Variants in GCNT4 observed in about 807,000 individuals in gnomAD.
GCNT4 encodes glucosaminyl (N-acetyl) transferase 4, also known as beta-1,3-galactosyl-O-glycosyl-glycoprotein beta-1,6-N-acetylglucosaminyltransferase 4.
A neutral mutation model predicts 31.3 loss-of-function variants in GCNT4; 17 were observed. That is an observed-to-expected ratio of 0.54 (90% CI 0.37 to 0.81). GCNT4 has a LOEUF of 0.81. Ranked by LOEUF, GCNT4 falls within the 40% of genes least tolerant of loss-of-function variation. GCNT4 has a pLI of 0.00. For missense variants in GCNT4, 503 were observed against 525.5 expected, an observed-to-expected ratio of 0.96 and a Z score of 0.42; for synonymous variants, 158 against 190.6, an observed-to-expected ratio of 0.83 and a Z score of 1.41.
chr5:75,030,110 TG>T, intron 3 of GCNT4, 72 bp from the exon 4 acceptor site: 2 of 1,429,210 alleles, frequency 1.4e-6, no homozygotes, highest in Non-Finnish European at 1.9e-6. Flanking sequence ...CAAAATCTAC[TG>T]GGCGCCTACC....
upstream of GCNT4, among the ~76,000 whole-genome samples, chr5:75,054,019 C>A (rs1240644256): frequency 6.6e-6 from 1 of 151,988 alleles, no homozygotes; most frequent in Non-Finnish European, 1.5e-5. Flanking sequence ...AATCGCCCAA[C>A]CAGACAGAAG....
chr5:75,019,372 G>C, the GCNT4 span, among the ~76,000 whole-genome samples: 1 of 152,190 alleles, frequency 6.6e-6, no homozygotes, highest in African/African-American at 2.4e-5. Context: ...TCTAGCCTGT[G>C]GTGCATTTGT....
the GCNT4 span, among the ~76,000 whole-genome samples, chr5:75,019,426 T>C: frequency 6.6e-6 from 1 of 152,166 alleles, no homozygotes; most frequent in African/African-American, 2.4e-5. Context: ...AATAAAATAT[T>C]AATAGGCATT....
At chr5:75,053,355 C>T (rs555294039), upstream of GCNT4, among the ~76,000 whole-genome samples, 3 of 152,104 alleles carry the variant, frequency 2.0e-5, no homozygotes, top group East Asian at 1.9e-4. Context: ...CCCCGCCTGC[C>T]GCCTGGAGAT....
chr5:75,023,179 C>G (rs562332214), downstream of GCNT4, among the ~76,000 whole-genome samples: 11 of 152,284 alleles, frequency 7.2e-5, no homozygotes, highest in East Asian at 2.1e-3. Flanking sequence ...TGAAATAGCT[C>G]TTTACTACCC....
chr5:75,036,873 T>A (rs1743211725), intron 3 of GCNT4, among the ~76,000 whole-genome samples: 1 of 152,260 alleles, frequency 6.6e-6, no homozygotes, highest in Non-Finnish European at 1.5e-5. Context: ...TTTGTTCTTA[T>A]AGTTATCTGT....
chr5:75,053,707 G>A (rs191983896), upstream of GCNT4, among the ~76,000 whole-genome samples: 1 of 151,970 alleles, frequency 6.6e-6, no homozygotes, highest in Non-Finnish European at 1.5e-5. Flanking sequence ...CCCCCGTGAC[G>A]TGCGGAGAAA....
chr5:75,040,328 T>C (rs1256799984), intron 3 of GCNT4, among the ~76,000 whole-genome samples: 1 of 152,172 alleles, frequency 6.6e-6, no homozygotes, highest in Non-Finnish European at 1.5e-5. Context: ...TTCTGAGCAC[T>C]TGCTACAAGG....
At position 75,037,900 on chromosome 5, in the gene GCNT4, C is replaced by A. The variant is rs970107452; in HGVS notation, c.-1-7862G>T. ...AAAAAAACAAAAACAAAACAAAAAACAAAAAAAACAAAAAACAGAAAAACA... is the reference window on the plus strand; with the variant it reads ...AAAAAAACAAAAACAAAACAAAAAAAAAAAAAAACAAAAAACAGAAAAACA... On this transcript the variant is annotated intron_variant, in intron 3 of 3. Transcript: ENST00000652361. 3.0e-3 allele frequency among the ~76,000 whole-genome samples: 375 copies of A among 125,452 alleles called. 2 individuals carry two copies. The highest frequency in any genetic ancestry group is 4.9e-3 in the Non-Finnish European group (281 of 57,382). 82.3% of individuals were successfully genotyped at this position (125,452 alleles called of 152,430 possible).
chr5:75,029,931 C>A lies in GCNT4; in HGVS notation c.107G>T (p.Arg36Leu). 3.1e-6 allele frequency: 5 copies of A among 1,614,068 alleles called. No homozygotes were observed. The highest frequency in any genetic ancestry group is 4.2e-6 in the Non-Finnish European group (5 of 1,180,010). ...GTAAATGTCTTTTTGCGGAAAGAGT[C>A]GTCTCACATTTAGAAGCTTTAACAA... ...LSLLKLLNVR[R>L]LFPQKDIYLV... The change falls in exon 4 of 4, where the codon CGA (arginine) becomes CTA (leucine). Residue 36 changes from arginine to leucine, a missense_variant. Physicochemically the swap from Arg to Leu is moderately radical, Grantham distance 102 (BLOSUM62 -2). Transcript: ENST00000652361.
Position 75,028,700 on chromosome 5 carries a change from A to T in GCNT4, c.1338T>A (p.Asp446Glu). The change falls in exon 4 of 4, where the codon GAT becomes GAA. Residue 446 changes from aspartate (D) to glutamate (E), a missense_variant. Asp to Glu is a conservative substitution (Grantham distance 45). Coordinates refer to ENST00000652361, the MANE Select transcript of GCNT4 (RefSeq NM_001366737.1). ...ATCATGATGTGGTAGTGAGATTTCT[A>T]TCCATAAATAACTTTTCTGAGGGCA... ...ITLPSEKLFM[D>E]RNLTTTS The T allele has an allele frequency of 6.2e-7, 1 of 1,612,456 alleles. No homozygotes were observed. Among genetic ancestry groups the T allele is most frequent in the Non-Finnish European group, 8.5e-7 (1 of 1,179,470 alleles).
Position 75,029,159 on chromosome 5 carries a change from G to A in GCNT4, c.879C>T (p.Pro293=). 2 of 1,613,854 alleles carry A rather than the reference G, an allele frequency of 1.2e-6. No individual in the cohort carries two copies. The highest frequency in any genetic ancestry group is 1.1e-5 in the South Asian group (1 of 91,078). ...IRTNISKEAP[P]HNIQIFVGSA... is the part of the protein sequence containing the mutation. ...TGCCAACAAATATCTGAATGTTATG[G>A]GGGGGTGCTTCCTTGGAGATGTTTG... The change falls in exon 4 of 4, where the codon CCC becomes CCT. Residue 293 remains proline, a synonymous_variant. Transcript: ENST00000652361.
intron 3 of GCNT4, among the ~76,000 whole-genome samples, chr5:75,035,437 G>A (rs1010237816): frequency 6.6e-6 from 1 of 152,198 alleles, no homozygotes; most frequent in Admixed American, 6.5e-5. Context: ...TGGGGCACTG[G>A]GGAGAGAGGA....
chr5:75,050,583 T>C (rs1172300808), intron 2 of GCNT4, among the ~76,000 whole-genome samples: 1 of 152,054 alleles, frequency 6.6e-6, no homozygotes, highest in Non-Finnish European at 1.5e-5. Context: ...ATGTGGCCAC[T>C]AGGGAAGCCA....
chr5:75,053,614 G>A (rs1247834212), upstream of GCNT4, among the ~76,000 whole-genome samples: 1 of 151,972 alleles, frequency 6.6e-6, no homozygotes, highest in Non-Finnish European at 1.5e-5. Flanking sequence ...GGCTCTCCGC[G>A]GCGGCTCGCT....
rs760979418 is a variant in GCNT4, at chr5:75,029,406, G to A, written c.632C>T (p.Ser211Leu). The A allele has an allele frequency of 1.5e-5, 24 of 1,613,972 alleles. No homozygotes were observed. In the East Asian group the frequency reaches 1.6e-4, roughly 10 times the overall value. Residue 211 changes from serine to leucine, a missense_variant, in exon 4 of 4, where the codon TCG (serine) becomes TTG (leucine). Physicochemically the swap from Ser to Leu is moderately radical, Grantham distance 145. Coordinates refer to ENST00000652361, the MANE Select transcript of GCNT4 (RefSeq NM_001366737.1). ...CTGGATTGAAGACTTCAGAAGGTCC[G>A]ACAAGCAATTTAAATCAGCCTGGAG... ...SRLQADLNCL[S>L]DLLKSSIQWK...
At chr5:75,039,281 C>CG (rs1239212154) in intron 3 of GCNT4, among the ~76,000 whole-genome samples, 1 of 151,938 alleles carries the variant, frequency 6.6e-6, no homozygotes, top group Non-Finnish European at 1.5e-5. Context: ...TTAGTCGAGA[C>CG]GGGGGTTTCA....
chr5:75,021,109 T>C (rs2149942803), downstream of GCNT4, among the ~76,000 whole-genome samples: 1 of 152,286 alleles, frequency 6.6e-6, no homozygotes. Flanking sequence ...TAAGGGCAGG[T>C]GGAGCTGGTG....
At chr5:75,049,160 A>G (rs556351871) in intron 2 of GCNT4, among the ~76,000 whole-genome samples, 45 of 152,258 alleles carry the variant, frequency 3.0e-4, no homozygotes, top group African/African-American at 1.0e-3. Context: ...TTAACATTTC[A>G]TATCGCTTAG....
Sources: allele counts gnomAD v4.1 joint callset (sites outside exome capture counted in the v4.1 genomes callset), GRCh38; gene constraint gnomAD v4.1.1; transcripts MANE v1.5; gene names NCBI Gene and HGNC (gene_info 2026-07-23, HGNC 2026-07-21).